The following PDE6A variants were observed in gnomAD, a reference collection of about 807,000 sequenced individuals.
PDE6A encodes phosphodiesterase 6A.
PDE6A carries 84 observed loss-of-function variants against 106.3 expected under a neutral mutation model. The observed-to-expected ratio is 0.79, with a 90% CI of 0.66 to 0.95. The LOEUF (loss-of-function observed/expected upper bound fraction) is 0.95, where lower values mean the gene tolerates loss of function less well. Ranked by LOEUF, PDE6A falls within the 40% of genes least tolerant of loss-of-function variation. PDE6A has a pLI of 0.00. For synonymous variants in PDE6A, 394 were observed against 386.6 expected, an observed-to-expected ratio of 1.02 and a Z score of -0.23; for missense variants, 1,052 against 1,084.9, an observed-to-expected ratio of 0.97 and a Z score of 0.43.
intron 21 of PDE6A, among the ~76,000 whole-genome samples, chr5:149,862,459 G>A (rs1581143404): frequency 2.0e-5 from 3 of 152,278 alleles, no homozygotes; most frequent in Non-Finnish European, 4.4e-5. Context: ...TGGAAATAGG[G>A]CCTCAAATTC....
chr5:149,900,056 A>C (rs1412190715), intron 8 of PDE6A, among the ~76,000 whole-genome samples: 1 of 151,900 alleles, frequency 6.6e-6, no homozygotes, highest in Non-Finnish European at 1.5e-5. Context: ...GATCAATTAT[A>C]AGATGCCTTT....
At chr5:149,916,083 C>T (rs2112233) in intron 5 of PDE6A, among the ~76,000 whole-genome samples, 8,155 of 152,274 alleles carry the variant, frequency 0.054, 318 homozygotes, top group East Asian at 0.16. Context: ...CGTGATCCTC[C>T]TGCCTTGGCT....
intron 1 of PDE6A, among the ~76,000 whole-genome samples, chr5:149,940,823 G>A (rs1301244733): frequency 6.6e-6 from 1 of 152,184 alleles, no homozygotes; most frequent in Middle Eastern, 3.2e-3. Context: ...TTGCATTCAT[G>A]CATGTGGAGC....
At chr5:149,886,445 G>A (rs983222457) in intron 13 of PDE6A, 71 bp from the exon 14 acceptor site, 6 of 1,129,846 alleles carry the variant, frequency 5.3e-6, no homozygotes, top group Admixed American at 1.9e-5. Flanking sequence ...AAAGGCGGGT[G>A]TAAGGAGGAG....
intron 3 of PDE6A, chr5:149,932,263 C>T: frequency 7.0e-7 from 1 of 1,426,182 alleles, no homozygotes; most frequent in Non-Finnish European, 9.9e-7. Flanking sequence ...TTTTGGCGAA[C>T]AGCAGTTTCA....
rs763913898 is a variant in PDE6A, at chr5:149,898,415, T to A, written c.1355A>T (p.Asp452Val). The A allele has an allele frequency of 6.2e-7, 1 of 1,612,002 alleles. No individual in the cohort carries two copies. Among genetic ancestry groups the A allele is most frequent in the Admixed American group, 1.7e-5 (1 of 60,026 alleles). The change falls in exon 10 of 22, where the codon GAC (aspartate) becomes GTC (valine). Residue 452 changes from aspartate (D) to valine (V), a missense_variant. Coordinates refer to ENST00000255266, the MANE Select transcript of PDE6A (RefSeq NM_000440.3). ...KLENRKDIFQ[D>V]IVKYHVKCDN... ...ACACTTCACATGATATTTTACTATG[T>A]CCTGGAAAATATCCTTCCTATTTTC... is the stretch of plus-strand genomic sequence containing the variant.
intron 6 of PDE6A, 112 bp downstream of exon 6, chr5:149,914,831 C>T: frequency 5.1e-6 from 4 of 790,648 alleles, no homozygotes; most frequent in East Asian, 2.5e-5. Context: ...TGTCAGAACA[C>T]TTATGTATTT....
chr5:149,890,328 T>A (rs1267558511), intron 13 of PDE6A, among the ~76,000 whole-genome samples: 4 of 152,176 alleles, frequency 2.6e-5, no homozygotes, highest in Non-Finnish European at 5.9e-5. Flanking sequence ...GATGAACCCT[T>A]AGAACATCTC....
chr5:149,930,896 A>G, intron 4 of PDE6A, 132 bp downstream of exon 4: 2 of 910,598 alleles, frequency 2.2e-6, no homozygotes, highest in South Asian at 1.4e-5. Flanking sequence ...AGACCTATGT[A>G]AGACTTTCTA....
At chr5:149,864,302 A>T (rs1001735695) in intron 20 of PDE6A, among the ~76,000 whole-genome samples, 17 of 151,918 alleles carry the variant, frequency 1.1e-4, no homozygotes, top group Non-Finnish European at 8.8e-5. Context: ...GCAGTGGTGC[A>T]ATCTCGGCTC....
intron 1 of PDE6A, among the ~76,000 whole-genome samples, chr5:149,937,125 A>G (rs1344244116): frequency 6.6e-6 from 1 of 152,194 alleles, no homozygotes; most frequent in Non-Finnish European, 1.5e-5. Context: ...TTCTCTGAAG[A>G]TGTAATGCTG....
chr5:149,943,515 C>T (rs1754373856), intron 1 of PDE6A, among the ~76,000 whole-genome samples: 1 of 152,178 alleles, frequency 6.6e-6, no homozygotes, highest in African/African-American at 2.4e-5. Flanking sequence ...AGACAGGAGT[C>T]TCCCTATGTT....
At chr5:149,929,255 A>G (rs1178346037) in intron 4 of PDE6A, among the ~76,000 whole-genome samples, 1 of 152,232 alleles carries the variant, frequency 6.6e-6, no homozygotes, top group African/African-American at 2.4e-5. Context: ...TGTAGATTGT[A>G]CATATGATGG....
intron 8 of PDE6A, among the ~76,000 whole-genome samples, chr5:149,902,023 A>C (rs200497024): frequency 6.6e-6 from 1 of 152,346 alleles, no homozygotes; most frequent in East Asian, 1.9e-4. Flanking sequence ...AGGAAGTCAC[A>C]TTTTACTAAG....
chr5:149,918,195 C>T (rs1000601213), intron 5 of PDE6A, among the ~76,000 whole-genome samples: 4 of 152,030 alleles, frequency 2.6e-5, no homozygotes, highest in Non-Finnish European at 5.9e-5. Context: ...TTTTTTGCCC[C>T]GTCCAAGGGT....
intron 17 of PDE6A, among the ~76,000 whole-genome samples, chr5:149,877,773 C>T (rs563864164): frequency 2.6e-5 from 4 of 152,352 alleles, no homozygotes; most frequent in Non-Finnish European, 4.4e-5. Flanking sequence ...GGTGGACTCT[C>T]AAACAACACA....
Position 149,895,274 on chromosome 5 carries a change from A to C in PDE6A, c.1637T>G (p.Met546Arg), listed in dbSNP as rs758714143. ...GCGGTAGCCCTTACTCAGGGAGTAC[A>C]TGAACCGCACCAGGGCCTGTGAACA... ...HIPQEALVRF[M>R]YSLSKGYRKI... The change falls in exon 13 of 22, where the codon ATG becomes AGG. Residue 546 changes from methionine to arginine, a missense_variant. Met to Arg is a moderately conservative substitution (Grantham distance 91, BLOSUM62 -1). Around this residue, in one of 3 missense-constraint regions of PDE6A, gnomAD observed 913 missense variants for 915.2 expected, o/e 1.00. Coordinates refer to ENST00000255266, the MANE Select transcript of PDE6A (RefSeq NM_000440.3). 4 of 1,613,266 alleles carry C rather than the reference A, an allele frequency of 2.5e-6. No individual in the cohort carries two copies. The highest frequency in any genetic ancestry group is 3.4e-6 in the Non-Finnish European group (4 of 1,179,202).
At position 149,884,896 on chromosome 5, in the gene PDE6A, G is replaced by A. The variant is rs1752225351; in HGVS notation, c.1839-29C>T. ...AATGAGAAAGAGAGAGAATCAATATGGAGTGGACAATAGAAAATTAGGACT... is the reference window on the plus strand; with the variant it reads ...AATGAGAAAGAGAGAGAATCAATATAGAGTGGACAATAGAAAATTAGGACT... On this transcript the variant is annotated intron_variant, in intron 14 of 21. Transcript: ENST00000255266. 4 of 1,536,130 alleles carry A rather than the reference G, an allele frequency of 2.6e-6. No homozygotes were observed. In the African/African-American group the frequency reaches 4.1e-5, roughly 16 times the overall value.
chr5:149,934,743 G>A lies in PDE6A; in HGVS notation c.475-25C>T, dbSNP rs557443479. 111 of 1,612,604 alleles carry A rather than the reference G, an allele frequency of 6.9e-5. No individual in the cohort carries two copies. In the African/African-American group the frequency reaches 7.5e-4, roughly 11 times the overall value. On this transcript the variant is annotated intron_variant, in intron 1 of 21. Transcript: ENST00000255266. ...CCTAAAGGAAGGCAGAGATAAGCAC[G>A]GACAGGCAAATGAAGAGCAAGAACA...
Sources: allele counts gnomAD v4.1 joint callset (sites outside exome capture counted in the v4.1 genomes callset), GRCh38; gene constraint gnomAD v4.1.1; regional missense constraint gnomAD v4.1.1; transcripts MANE v1.5; gene names NCBI Gene and HGNC (gene_info 2026-07-23, HGNC 2026-07-21).